PDE8A: variants seen among roughly 807,000 people sequenced by gnomAD.
PDE8A encodes the protein phosphodiesterase 8A.
Under a neutral mutation model 105.0 loss-of-function variants are expected in PDE8A, and 59 were observed. That is an observed-to-expected ratio of 0.56 (90% confidence interval 0.46 to 0.70). The LOEUF is 0.70. Ranked by LOEUF, PDE8A falls within the 30% of genes least tolerant of loss-of-function variation. PDE8A has a pLI of 0.00. For missense variants in PDE8A, 1,014 were observed against 1,045.9 expected (o/e 0.97, Z 0.42); for synonymous variants, 355 against 371.9 (o/e 0.95, Z 0.52).
At chr15:85,050,750 G>A (rs1452701806) in intron 1 of PDE8A, among the ~76,000 whole-genome samples, 1 of 152,120 alleles carries the variant, frequency 6.6e-6, no homozygotes, top group Non-Finnish European at 1.5e-5. Context: ...GGAAGTGTGA[G>A]TTCTTCAGTT....
At chr15:85,020,159 A>C (rs975000668) in intron 1 of PDE8A, among the ~76,000 whole-genome samples, 24 of 152,088 alleles carry the variant, frequency 1.6e-4, no homozygotes, top group African/African-American at 5.5e-4. Context: ...TTTCTTAGGC[A>C]CAAGATTACT....
chr15:85,117,686 C>G lies in PDE8A; in HGVS notation c.1581C>G (p.Ile527Met). Residue 527 changes from isoleucine to methionine, a missense_variant, in exon 17 of 22, where the codon ATC (isoleucine) becomes ATG (methionine). Ile to Met is a conservative substitution (Grantham distance 10). Coordinates refer to ENST00000394553, the MANE Select transcript of PDE8A (RefSeq NM_002605.3). ...LGLKMFARFG[I>M]CEFLHCSEST... ...TCAAAATGTTTGCTCGCTTTGGAATCTGTGAATTCTTACACTGCTCCGAGT... is the reference window on the plus strand; with the variant it reads ...TCAAAATGTTTGCTCGCTTTGGAATGTGTGAATTCTTACACTGCTCCGAGT... 1.2e-6 allele frequency: 2 copies of G among 1,614,166 alleles called. No homozygotes were observed. The highest frequency in any genetic ancestry group is 2.2e-5 in the South Asian group (2 of 91,090).
At chr15:85,029,480 T>C (rs1417779489) in intron 1 of PDE8A, among the ~76,000 whole-genome samples, 1 of 150,620 alleles carries the variant, frequency 6.6e-6, no homozygotes, top group Non-Finnish European at 1.5e-5. Context: ...GCAGAGACAA[T>C]GCTATTTTCT....
chr15:85,107,955 A>G (rs772985041), intron 11 of PDE8A, among the ~76,000 whole-genome samples: 5 of 152,162 alleles, frequency 3.3e-5, no homozygotes, highest in Non-Finnish European at 7.4e-5. Flanking sequence ...GAAAGAAACT[A>G]GAAAGGAGTA....
At chr15:85,024,771 G>A (rs1429325576) in intron 1 of PDE8A, among the ~76,000 whole-genome samples, 1 of 152,148 alleles carries the variant, frequency 6.6e-6, no homozygotes, top group Non-Finnish European at 1.5e-5. Flanking sequence ...ATTCGGACTT[G>A]TTCATTCTAG....
At chr15:84,995,316 CCTT>C (rs2079958160) in intron 1 of PDE8A, among the ~76,000 whole-genome samples, 1 of 109,832 alleles carries the variant, frequency 9.1e-6, no homozygotes, top group South Asian at 3.1e-4. Context: ...ACAGTATGTA[CCTT>C]TTTTTTTTTT....
At chr15:85,064,995 G>A (rs1360778440) in intron 2 of PDE8A, among the ~76,000 whole-genome samples, 1 of 151,840 alleles carries the variant, frequency 6.6e-6, no homozygotes, top group Non-Finnish European at 1.5e-5. Flanking sequence ...AAAAAAAATT[G>A]GTTCAGCAAT....
At chr15:85,095,319 T>C (rs531617535) in intron 8 of PDE8A, among the ~76,000 whole-genome samples, 1 of 152,274 alleles carries the variant, frequency 6.6e-6, no homozygotes, top group Non-Finnish European at 1.5e-5. Flanking sequence ...GGTTGTACTA[T>C]TATTATTCTC....
rs557985301 is a variant in PDE8A, at chr15:85,137,802, G to A, written c.2389G>A (p.Val797Ile). Residue 797 changes from valine (V) to isoleucine (I), a missense_variant, in exon 22 of 22, where the codon GTA becomes ATA. Val to Ile is a conservative substitution (Grantham distance 29). Transcript: ENST00000394553. Reference protein sequence around the residue: ...TDMFDAWDAFVDLPDLMQHLD... With the variant: ...TDMFDAWDAFIDLPDLMQHLD... ...ATTCCTATCTTTCTCTCCAGCCTTT[G>A]TAGACCTGCCTGATTTAATGCAGCA... The A allele has an allele frequency of 3.1e-6, 5 of 1,602,024 alleles. No individual in the cohort carries two copies. The highest frequency in any genetic ancestry group is 4.3e-6 in the Non-Finnish European group (5 of 1,169,018).
chr15:85,032,748 G>A (rs2080636299), intron 1 of PDE8A, among the ~76,000 whole-genome samples: 1 of 152,084 alleles, frequency 6.6e-6, no homozygotes, highest in Non-Finnish European at 1.5e-5. Context: ...AAATGCATGG[G>A]AAAAGGTCAA....
At chr15:84,983,026 C>T (rs948709411) in intron 1 of PDE8A, among the ~76,000 whole-genome samples, 3 of 152,300 alleles carry the variant, frequency 2.0e-5, no homozygotes, top group Non-Finnish European at 2.9e-5. Flanking sequence ...CTTACTGGGA[C>T]ATTTTGTGAC....
intron 12 of PDE8A, among the ~76,000 whole-genome samples, chr15:85,110,529 C>G (rs68049335): frequency 6.6e-6 from 1 of 152,078 alleles, no homozygotes; most frequent in Non-Finnish European, 1.5e-5. Flanking sequence ...CCTTGTGCCT[C>G]ATAGAATTGG....
intron 12 of PDE8A, among the ~76,000 whole-genome samples, chr15:85,112,068 G>A (rs2082028684): frequency 6.6e-6 from 1 of 152,062 alleles, no homozygotes; most frequent in Non-Finnish European, 1.5e-5. Flanking sequence ...TAAAAGAAGA[G>A]GAGTGCATTT....
intron 11 of PDE8A, 65 bp from the exon 12 acceptor site, chr15:85,108,988 G>A (rs1275279495): frequency 7.7e-5 from 88 of 1,142,266 alleles, no homozygotes; most frequent in Non-Finnish European, 1.1e-4. Context: ...ATTTTAGATT[G>A]GTAACCTTCC....
chr15:85,078,542 C>G (rs1459890141), intron 5 of PDE8A, among the ~76,000 whole-genome samples: 1 of 76,412 alleles, frequency 1.3e-5, no homozygotes, highest in Non-Finnish European at 2.5e-5. Flanking sequence ...GAGCGATACT[C>G]CATCTCAAAA....
chr15:85,062,326 A>G (rs547151288), intron 1 of PDE8A, among the ~76,000 whole-genome samples: 9 of 152,186 alleles, frequency 5.9e-5, no homozygotes, highest in South Asian at 2.1e-4. Context: ...TGTAAACTCA[A>G]GGTCTTCTCA....
At chr15:85,071,691 C>G (rs2081313359) in intron 3 of PDE8A, among the ~76,000 whole-genome samples, 1 of 152,210 alleles carries the variant, frequency 6.6e-6, no homozygotes, top group Non-Finnish European at 1.5e-5. Flanking sequence ...AGGACAGCTG[C>G]TGACACCAAG....
intron 1 of PDE8A, among the ~76,000 whole-genome samples, chr15:85,052,675 A>AT (rs1242112556): frequency 1.3e-5 from 2 of 151,632 alleles, no homozygotes; most frequent in South Asian, 2.1e-4. Context: ...GGGTTGTTTG[A>AT]TTTTTTCTTG....
intron 1 of PDE8A, among the ~76,000 whole-genome samples, chr15:85,040,134 A>T (rs1335972017): frequency 6.6e-6 from 1 of 152,110 alleles, no homozygotes; most frequent in South Asian, 2.1e-4. Flanking sequence ...GGGGTGATGG[A>T]TATGTTAAAG....
Sources: allele counts gnomAD v4.1 joint callset (sites outside exome capture counted in the v4.1 genomes callset), GRCh38; gene constraint gnomAD v4.1.1; transcripts MANE v1.5; gene names NCBI Gene and HGNC (gene_info 2026-07-23, HGNC 2026-07-21).